The following CAP1 variants were observed in gnomAD, a reference collection of about 807,000 sequenced individuals.
CAP1 encodes cyclase associated actin cytoskeleton regulatory protein 1, also known as adenylyl cyclase-associated protein 1.
Under a neutral mutation model 58.2 loss-of-function variants are expected in CAP1, and 11 were observed. That is an observed-to-expected ratio of 0.19 (90% CI 0.12 to 0.31). CAP1 has a LOEUF of 0.31. CAP1 is among the 10% of genes least tolerant of loss of function. The pLI, the probability that CAP1 is intolerant of heterozygous loss-of-function variation, is 1.00. For synonymous variants in CAP1, 183 were observed against 213.8 expected (o/e 0.86, Z 1.26); for missense variants, 423 against 587.5 (o/e 0.72, Z 2.89).
At chr1:40,054,206 T>C (rs1432531428) in intron 1 of CAP1, among the ~76,000 whole-genome samples, 3 of 151,556 alleles carry the variant, frequency 2.0e-5, no homozygotes, top group Non-Finnish European at 4.4e-5. Context: ...TTTTTTTTTT[T>C]TGGAAACATA....
rs1056950116 is a variant in CAP1, at chr1:40,067,809, C to T, written c.808+92C>T. On this transcript the variant is annotated intron_variant, in intron 8 of 12. Transcript: ENST00000372805. ...AACCGTCTGTAAACTACAACCCTGG[C>T]TTGTGTGGTGGAGACTCGTTTGGTG... 4 of 917,076 alleles carry T rather than the reference C, an allele frequency of 4.4e-6. No homozygotes were observed. In the African/African-American group the frequency reaches 6.8e-5, roughly 16 times the overall value. 56.8% of individuals were successfully genotyped at this position (917,076 alleles called of 1,614,324 possible).
Position 40,043,868 on chromosome 1 carries a change from C to A in CAP1, c.-11+3067C>A, listed in dbSNP as rs1157790243. Among the ~76,000 whole-genome samples the A allele has an allele frequency of 4.1e-5, 5 of 122,046 alleles. No homozygotes were observed. In the East Asian group the frequency reaches 1.2e-3, roughly 28 times the overall value. 80.1% of individuals were successfully genotyped at this position (122,046 alleles called of 152,430 possible). A position where few individuals can be genotyped will look rare whatever the true frequency, so the allele number is the denominator to read the frequency against. On this transcript the variant is annotated intron_variant, in intron 1 of 12. Transcript: ENST00000372805. ...CTCCAGCCTGGGTGATAGTGAGACT[C>A]TGTCTCAAAAAAAAAAGAAAAGAAA...
intron 1 of CAP1, among the ~76,000 whole-genome samples, chr1:40,044,491 A>C (rs1172201655): frequency 6.6e-6 from 1 of 152,148 alleles, no homozygotes; most frequent in Non-Finnish European, 1.5e-5. Flanking sequence ...CAGTTTCTCT[A>C]TGACAACCAG....
Position 40,061,534 on chromosome 1 carries a change from A to AT in CAP1, c.217-200dup, listed in dbSNP as rs1646850760. Among the ~76,000 whole-genome samples, 5 of 152,348 alleles carry AT rather than the reference A, an allele frequency of 3.3e-5. No individual in the cohort carries two copies. In the South Asian group the frequency reaches 1.0e-3, roughly 32 times the overall value. ...ATTAACTTCACTTCCAACTCTGGAT[A>AT]TATATCCCTGATGAGTTCCAATAGG... is the stretch of plus-strand genomic sequence containing the variant. On this transcript the variant is annotated intron_variant, in intron 3 of 12. Transcript: ENST00000372805.
Position 40,072,493 on chromosome 1 carries a change from T to A in CAP1, c.*960T>A, listed in dbSNP as rs1284093371. ...TGCTAATGTAAATTTCAGTTGTTTT[T>A]CCCTCTAGGACAAACACTTACCAAA... On this transcript the variant is annotated 3_prime_UTR_variant, in exon 13 of 13. Transcript: ENST00000372805. The A allele has an allele frequency of 1.8e-5, 3 of 162,220 alleles. No individual in the cohort carries two copies. Among genetic ancestry groups the A allele is most frequent in the Non-Finnish European group, 4.0e-5 (3 of 74,988 alleles). The allele number at this position is 162,220 out of a possible 1,614,324, so 10.0% of individuals were successfully genotyped here.
In CAP1 at chr1:40,067,685, C is replaced by T. The variant is rs148169899; in HGVS notation, c.776C>T (p.Ala259Val). 493 of 1,597,964 alleles carry T rather than the reference C, an allele frequency of 3.1e-4. 1 individual carries two copies. Among genetic ancestry groups the T allele is most frequent in the Non-Finnish European group, 3.8e-4 (448 of 1,172,164 alleles). ...YESASRSSLF[A>V]QINQGESITH... ...TCTGCTTCCCGCTCATCACTGTTCGCGCAGATTAATCAGGGGGAGAGCATT... is the reference window on the plus strand; with the variant it reads ...TCTGCTTCCCGCTCATCACTGTTCGTGCAGATTAATCAGGGGGAGAGCATT... The change falls in exon 8 of 13, where the codon GCG (alanine) becomes GTG (valine). Residue 259 changes from alanine to valine, a missense_variant. Ala to Val is a moderately conservative substitution (Grantham distance 64). Transcript: ENST00000372805.
intron 1 of CAP1, among the ~76,000 whole-genome samples, chr1:40,045,325 A>G (rs916099256): frequency 2.0e-5 from 3 of 152,176 alleles, no homozygotes; most frequent in African/African-American, 4.8e-5. Context: ...CCCCATAGCC[A>G]TACTTAGCAC....
At chr1:40,069,661 C>T (rs1370339091) in intron 8 of CAP1, 29 bp from the exon 9 acceptor site, 2 of 1,594,652 alleles carry the variant, frequency 1.3e-6, no homozygotes, top group Non-Finnish European at 1.7e-6. Context: ...GTATGAAGGA[C>T]AGGAACAAGG....
chr1:40,071,019 A>G (rs754436469), intron 12 of CAP1, 40 bp downstream of exon 12: 2 of 1,551,108 alleles, frequency 1.3e-6, no homozygotes, highest in Middle Eastern at 1.7e-4. Context: ...TTAAAAACAG[A>G]AGGGACTGAA....
intron 1 of CAP1, among the ~76,000 whole-genome samples, chr1:40,053,971 A>C (rs148757868): frequency 6.6e-6 from 1 of 152,202 alleles, no homozygotes; most frequent in Non-Finnish European, 1.5e-5. Flanking sequence ...GAAGATCTCT[A>C]TATCAGTGTG....
At chr1:40,066,803 A>C (rs912618958) in intron 7 of CAP1, among the ~76,000 whole-genome samples, 4 of 152,238 alleles carry the variant, frequency 2.6e-5, no homozygotes, top group Non-Finnish European at 5.9e-5. Context: ...TACAAAAGGC[A>C]CAGCTTAAAC....
Position 40,067,586 on chromosome 1 carries a change from C to T in CAP1, c.677C>T (p.Ala226Val), listed in dbSNP as rs746996102. The T allele has an allele frequency of 1.2e-6, 2 of 1,609,848 alleles. No homozygotes were observed. Among genetic ancestry groups the T allele is most frequent in the Non-Finnish European group, 1.7e-6 (2 of 1,177,832 alleles). The change falls in exon 8 of 13, where the codon GCC (alanine) becomes GTC (valine). Residue 226 changes from alanine (A) to valine (V), a missense_variant. By Grantham distance (64) the Ala-to-Val change is moderately conservative. Coordinates refer to ENST00000372805, the MANE Select transcript of CAP1 (RefSeq NM_006367.4). ...ELSGLPSGPS[A>V]GSCPPPPPPC... ...AGCGGACTGCCATCTGGACCCTCTG[C>T]CGGATCATGTCCTCCTCCCCCTCCA... is the stretch of plus-strand genomic sequence containing the variant.
chr1:40,057,436 T>G (rs137875819), intron 1 of CAP1: 1 of 152,308 alleles, frequency 6.6e-6, no homozygotes, highest in Non-Finnish European at 1.5e-5. Context: ...TCTGCTCTAT[T>G]TGAGAGTAGG....
upstream of CAP1, chr1:40,040,300 G>A (rs1221740097): frequency 3.3e-5 from 5 of 151,332 alleles, no homozygotes; most frequent in Admixed American, 3.3e-4. Flanking sequence ...AGAGAATCCT[G>A]GCCCCCAGTC....
chr1:40,056,242 T>G (rs184981552), intron 1 of CAP1, among the ~76,000 whole-genome samples: 315 of 152,064 alleles, frequency 2.1e-3, no homozygotes, highest in African/African-American at 7.2e-3. Flanking sequence ...ATTTCTGCTT[T>G]TGGACATTTC....
Position 40,072,609 on chromosome 1 carries a change from A to AAGTT in CAP1, c.*1078_*1081dup, listed in dbSNP as rs1648274735. 6.5e-6 allele frequency: 1 copy of AAGTT among 152,778 alleles called. No individual in the cohort carries two copies. 9.5% of individuals were successfully genotyped at this position (152,778 alleles called of 1,614,324 possible). A position where few individuals can be genotyped will look rare whatever the true frequency, so the allele number is the denominator to read the frequency against. ...GTGGAAATAAACCTTTATGTACTTA[A>AAGTT]AGTTATACAGAAAATAGAATAAAGT... On this transcript the variant is annotated 3_prime_UTR_variant, in exon 13 of 13. Transcript: ENST00000372805.
At chr1:40,046,773 C>CTTT (rs750614525) in intron 1 of CAP1, among the ~76,000 whole-genome samples, 2 of 140,368 alleles carry the variant, frequency 1.4e-5, no homozygotes, top group Non-Finnish European at 3.1e-5. Context: ...TTTATTTAAA[C>CTTT]TTTTTTTTTT....
At chr1:40,043,054 G>C (rs994011224) in intron 1 of CAP1, among the ~76,000 whole-genome samples, 3 of 152,170 alleles carry the variant, frequency 2.0e-5, no homozygotes, top group African/African-American at 7.2e-5. Flanking sequence ...GTCTAATAAG[G>C]TGGGTCAGCT....
At chr1:40,046,812 G>C (rs956381893) in intron 1 of CAP1, among the ~76,000 whole-genome samples, 1 of 146,988 alleles carries the variant, frequency 6.8e-6, no homozygotes, top group Non-Finnish European at 1.5e-5. Context: ...TCACTCTGTC[G>C]CCCAGGCTGG....
Sources: gnomAD v4.1 joint callset for allele counts (sites outside exome capture counted in the v4.1 genomes callset) on GRCh38, gnomAD v4.1.1 for gene constraint, MANE v1.5 for transcripts, NCBI Gene and HGNC (gene_info 2026-07-23, HGNC 2026-07-21) for gene names.